OCA2: variants seen among roughly 807,000 people sequenced by gnomAD.
The protein encoded by OCA2 is OCA2 melanosomal transmembrane protein.
A neutral mutation model predicts 100.2 loss-of-function variants in OCA2; 77 were observed. The ratio of observed to expected loss-of-function variants is 0.77; its 90% CI spans 0.64 to 0.93. The LOEUF is 0.93. Ranked by LOEUF, OCA2 falls within the 40% of genes least tolerant of loss-of-function variation. OCA2 has a pLI of 0.00. For missense variants in OCA2, 1,062 were observed against 1,089.1 expected, an observed-to-expected ratio of 0.98 and a Z score of 0.35; for synonymous variants, 432 against 439.2, an observed-to-expected ratio of 0.98 and a Z score of 0.21.
intron 2 of OCA2, among the ~76,000 whole-genome samples, chr15:28,068,357 G>A (rs2044088774): frequency 6.6e-6 from 1 of 152,146 alleles, no homozygotes; most frequent in African/African-American, 2.4e-5. Flanking sequence ...ATAAAATCTA[G>A]AGGAAATGGA....
chr15:27,902,389 C>A (rs899921320), intron 19 of OCA2, among the ~76,000 whole-genome samples: 6 of 152,146 alleles, frequency 3.9e-5, no homozygotes, highest in Admixed American at 3.9e-4. Context: ...TTAAGTGGAA[C>A]TTATTCGTAT....
At chr15:27,863,817 T>C (rs1211499228) in intron 21 of OCA2, among the ~76,000 whole-genome samples, 1 of 152,232 alleles carries the variant, frequency 6.6e-6, no homozygotes, top group African/African-American at 2.4e-5. Flanking sequence ...TCAATATTTT[T>C]TGTTGAAAAC....
intron 21 of OCA2, among the ~76,000 whole-genome samples, chr15:27,854,458 A>G (rs924143136): frequency 1.3e-5 from 2 of 152,184 alleles, no homozygotes; most frequent in African/African-American, 4.8e-5. Flanking sequence ...TGAACAGCTC[A>G]ATTTTTTGTT....
chr15:27,739,144 C>A, the OCA2 span, among the ~76,000 whole-genome samples: 2 of 152,046 alleles, frequency 1.3e-5, no homozygotes, highest in African/African-American at 4.8e-5. Flanking sequence ...GTTCCAGATA[C>A]CTTCGTGATG....
intron 19 of OCA2, among the ~76,000 whole-genome samples, chr15:27,911,249 G>T (rs1386734811): frequency 1.3e-5 from 2 of 151,934 alleles, no homozygotes; most frequent in Non-Finnish European, 2.9e-5. Context: ...GCAAAATCCT[G>T]TCTCTACAAA....
At chr15:27,914,562 C>T (rs963729664) in intron 19 of OCA2, among the ~76,000 whole-genome samples, 2 of 152,056 alleles carry the variant, frequency 1.3e-5, no homozygotes, top group East Asian at 3.9e-4. Flanking sequence ...TTTTCAAACA[C>T]CAACAACATT....
intron 18 of OCA2, among the ~76,000 whole-genome samples, chr15:27,937,279 T>C (rs2039490537): frequency 6.6e-6 from 1 of 152,246 alleles, no homozygotes; most frequent in African/African-American, 2.4e-5. Context: ...TTCCACTATA[T>C]GACTCTCCCA....
intron 23 of OCA2, among the ~76,000 whole-genome samples, chr15:27,832,973 C>T (rs907347953): frequency 2.0e-5 from 3 of 150,582 alleles, no homozygotes; most frequent in African/African-American, 4.9e-5. Flanking sequence ...GCCACCACGC[C>T]CAGCTGATTT....
At chr15:27,822,785 TA>T (rs2034555498) in intron 23 of OCA2, among the ~76,000 whole-genome samples, 1 of 152,206 alleles carries the variant, frequency 6.6e-6, no homozygotes, top group African/African-American at 2.4e-5. Flanking sequence ...ATGGTGTCAC[TA>T]TGAATCCTTT....
chr15:28,016,682 G>A (rs1228858464), intron 7 of OCA2, among the ~76,000 whole-genome samples: 1 of 152,114 alleles, frequency 6.6e-6, no homozygotes, highest in African/African-American at 2.4e-5. Context: ...CTTAGGGGCT[G>A]AGGCGGGAGG....
At chr15:27,737,106 A>G in the OCA2 span, among the ~76,000 whole-genome samples, 3 of 152,348 alleles carry the variant, frequency 2.0e-5, no homozygotes, top group East Asian at 5.8e-4. Context: ...CAATAGCCTC[A>G]AAGAACATCA....
At chr15:27,940,048 A>ATT (rs2039591588) in intron 18 of OCA2, among the ~76,000 whole-genome samples, 1 of 152,134 alleles carries the variant, frequency 6.6e-6, no homozygotes, top group Non-Finnish European at 1.5e-5. Flanking sequence ...CTTCTTGGAC[A>ATT]TCACACAGCT....
At chr15:28,088,790 C>T (rs186377984) in intron 1 of OCA2, among the ~76,000 whole-genome samples, 53 of 152,214 alleles carry the variant, frequency 3.5e-4, no homozygotes, top group African/African-American at 9.1e-4. Context: ...GGAGGCAGGG[C>T]GAGATCACAG....
At chr15:28,090,528 A>G (rs753170241) in intron 1 of OCA2, among the ~76,000 whole-genome samples, 20 of 152,356 alleles carry the variant, frequency 1.3e-4, no homozygotes, top group Non-Finnish European at 2.2e-4. Flanking sequence ...CGAATCAGAA[A>G]TAAGTAACAA....
rs2036203141 is a variant in OCA2 at position 27,863,262 on chromosome 15, A to G, written c.2244+7892T>C. 2.0e-5 allele frequency among the ~76,000 whole-genome samples: 3 copies of G among 152,182 alleles called. No homozygotes were observed. The South Asian group carries it at 6.2e-4, about 32-fold the overall frequency. On this transcript the variant is annotated intron_variant, in intron 21 of 23. Transcript: ENST00000354638. The stretch of plus-strand genomic sequence containing the variant: ...GCTGTGTGGGACACAGCAGCCACCC[A>G]GCAGCAGTTCCGGGCGGATCCCCTG...
chr15:27,845,967 C>T (rs2035518606), intron 22 of OCA2, among the ~76,000 whole-genome samples: 1 of 152,194 alleles, frequency 6.6e-6, no homozygotes, highest in Non-Finnish European at 1.5e-5. Context: ...CCCATGAAGA[C>T]ACAGCACAGA....
chr15:27,966,544 A>G (rs2040572190), intron 15 of OCA2, 146 bp downstream of exon 15: 2 of 826,426 alleles, frequency 2.4e-6, no homozygotes, highest in Non-Finnish European at 4.1e-6. Context: ...AAAACAGTGT[A>G]TACTAGAAGG....
intron 18 of OCA2, among the ~76,000 whole-genome samples, chr15:27,938,316 G>A (rs964158955): frequency 4.6e-5 from 7 of 152,164 alleles, no homozygotes; most frequent in African/African-American, 1.7e-4. Context: ...TCTGATGAGG[G>A]TCAGGAGGTA....
chr15:27,951,216 G>A (rs1302102185), intron 18 of OCA2, among the ~76,000 whole-genome samples: 1 of 152,192 alleles, frequency 6.6e-6, no homozygotes, highest in Non-Finnish European at 1.5e-5. Flanking sequence ...GCACAGGCTA[G>A]AGAAAGTGGA....
Sources: gnomAD v4.1 joint callset for allele counts (sites outside exome capture counted in the v4.1 genomes callset) on GRCh38, gnomAD v4.1.1 for gene constraint, MANE v1.5 for transcripts, NCBI Gene and HGNC (gene_info 2026-07-23, HGNC 2026-07-21) for gene names.